RAI1: variants seen among roughly 807,000 people sequenced by gnomAD.
RAI1 encodes the protein retinoic acid induced 1.
Under a neutral mutation model 123.8 loss-of-function variants are expected in RAI1, and 9 were observed. The observed-to-expected ratio is 0.07, with a 90% CI of 0.04 to 0.13. RAI1 has a LOEUF of 0.13. Ranked by LOEUF, RAI1 falls within the 10% of genes least tolerant of loss-of-function variation. The pLI is 1.00. For synonymous variants in RAI1, 1,231 were observed against 1,127.3 expected (o/e 1.09, Z -1.84); for missense variants, 2,256 against 2,545.8 (o/e 0.89, Z 2.45).
intron 2 of RAI1, among the ~76,000 whole-genome samples, chr17:17,792,344 T>G (rs904817261): frequency 1.3e-5 from 2 of 152,048 alleles, no homozygotes; most frequent in Non-Finnish European, 2.9e-5. Context: ...CGCGTGTGTG[T>G]GTGAGCATAC....
intron 1 of RAI1, among the ~76,000 whole-genome samples, chr17:17,703,365 G>C (rs139951065): frequency 2.0e-5 from 3 of 152,244 alleles, no homozygotes. Context: ...GAGCGTGTGA[G>C]GGTTTCCATG....
chr17:17,715,218 G>C (rs925963561), intron 1 of RAI1, among the ~76,000 whole-genome samples: 1 of 152,264 alleles, frequency 6.6e-6, no homozygotes, highest in African/African-American at 2.4e-5. Flanking sequence ...GAAGCCAGGG[G>C]CTCTGCCTGT....
chr17:17,731,071 G>A (rs926274261), intron 2 of RAI1, among the ~76,000 whole-genome samples: 4 of 152,204 alleles, frequency 2.6e-5, no homozygotes, highest in African/African-American at 9.6e-5. Context: ...AGCCTGGTAT[G>A]CTTCTCATAC....
At chr17:17,720,104 C>T (rs8079802) in intron 1 of RAI1, among the ~76,000 whole-genome samples, 1 of 152,202 alleles carries the variant, frequency 6.6e-6, no homozygotes, top group African/African-American at 2.4e-5. Flanking sequence ...GCTGGCTCCA[C>T]TGCCTGCATT....
intron 2 of RAI1, chr17:17,778,364 T>G (rs1365819451): frequency 4.3e-6 from 1 of 234,938 alleles, no homozygotes; most frequent in East Asian, 1.1e-4. Flanking sequence ...TGGAAGTTGC[T>G]ACCTTTTATT....
chr17:17,724,430 G>T (rs1916008398), intron 2 of RAI1, among the ~76,000 whole-genome samples: 2 of 109,724 alleles, frequency 1.8e-5, no homozygotes, highest in Non-Finnish European at 3.6e-5. Flanking sequence ...TTTTTTGGCC[G>T]CTTTTGGCCA....
chr17:17,792,882 T>TC, intron 2 of RAI1, 51 bp from the exon 3 acceptor site: 35 of 432,868 alleles, frequency 8.1e-5, no homozygotes, highest in South Asian at 1.4e-4. Flanking sequence ...TCCCTGCCCA[T>TC]CCTCCCCTCC....
At chr17:17,752,830 G>A (rs1428164056) in intron 2 of RAI1, among the ~76,000 whole-genome samples, 2 of 152,204 alleles carry the variant, frequency 1.3e-5, no homozygotes, top group Non-Finnish European at 2.9e-5. Flanking sequence ...TGCCCTGCCT[G>A]GCACTCCTCT....
rs1915645599 is a variant in RAI1, at chr17:17,714,168, A to C, written c.-148-9860A>C. 6.6e-6 allele frequency among the ~76,000 whole-genome samples: 1 copy of C among 152,132 alleles called. No individual in the cohort carries two copies. The highest frequency in any genetic ancestry group is 2.4e-5 in the African/African-American group (1 of 41,432). ...GCAAGCTCTTCCTTATATGGAGGTG[A>C]AATCTGTCTTCCTGTTGCTTCCTCA... On this transcript the variant is annotated intron_variant, in intron 1 of 5. Coordinates refer to ENST00000353383, the MANE Select transcript of RAI1 (RefSeq NM_030665.4). The surrounding 1 kb of genome is among the most constrained non-coding windows in gnomAD (Gnocchi z 4.9).
intron 2 of RAI1, among the ~76,000 whole-genome samples, chr17:17,774,957 C>A (rs566547782): frequency 2.0e-5 from 3 of 152,178 alleles, no homozygotes; most frequent in African/African-American, 4.8e-5. Flanking sequence ...AGACAGGGAG[C>A]CTCCCTACCA....
chr17:17,754,679 C>G lies in RAI1; in HGVS notation c.-17+30520C>G, dbSNP rs780554975. ...TATTAAAGCCATAACAAATAATATCCGACAGCCTGTACCTACTAGTGTTCA... is the reference window on the plus strand; with the variant it reads ...TATTAAAGCCATAACAAATAATATCGGACAGCCTGTACCTACTAGTGTTCA... On this transcript the variant is annotated intron_variant, in intron 2 of 5. Transcript: ENST00000353383. Among the ~76,000 whole-genome samples the G allele has an allele frequency of 2.6e-5, 4 of 152,134 alleles. 1 individual carries two copies. In the South Asian group the frequency reaches 8.3e-4, roughly 32 times the overall value.
chr17:17,757,491 G>A (rs1275138846), intron 2 of RAI1, among the ~76,000 whole-genome samples: 2 of 152,196 alleles, frequency 1.3e-5, no homozygotes, highest in African/African-American at 4.8e-5. Context: ...CTGCCAGTGT[G>A]TGCCTTGCCT....
At chr17:17,780,838 G>C (rs1236968020) in intron 2 of RAI1, among the ~76,000 whole-genome samples, 1 of 152,190 alleles carries the variant, frequency 6.6e-6, no homozygotes, top group African/African-American at 2.4e-5. Context: ...ACTCTGTAAT[G>C]CTAGGCTCTG....
At chr17:17,715,984 G>C (rs915567300) in intron 1 of RAI1, among the ~76,000 whole-genome samples, 1 of 152,230 alleles carries the variant, frequency 6.6e-6, no homozygotes, top group Admixed American at 6.5e-5. Flanking sequence ...AAACTATGGC[G>C]GGGGGAATGG....
intron 2 of RAI1, chr17:17,777,560 C>G (rs1359030364): frequency 6.6e-6 from 1 of 152,096 alleles, no homozygotes; most frequent in Non-Finnish European, 1.5e-5. Context: ...AGTGGCTGTT[C>G]TTACGAGTCT....
At chr17:17,691,977 G>GT (rs1201679461) in intron 1 of RAI1, among the ~76,000 whole-genome samples, 3 of 152,182 alleles carry the variant, frequency 2.0e-5, no homozygotes, top group Non-Finnish European at 2.9e-5. Flanking sequence ...AAGTAATCTG[G>GT]TTTATGATAC....
At chr17:17,716,444 A>G (rs950510422) in intron 1 of RAI1, among the ~76,000 whole-genome samples, 1 of 152,196 alleles carries the variant, frequency 6.6e-6, no homozygotes, top group African/African-American at 2.4e-5. Flanking sequence ...GTGTATGTCT[A>G]TATGATTGCA....
chr17:17,745,980 G>A (rs2029897451), intron 2 of RAI1, among the ~76,000 whole-genome samples: 2 of 152,234 alleles, frequency 1.3e-5, no homozygotes, highest in Admixed American at 6.5e-5. Flanking sequence ...GACTGGGTGC[G>A]TTGTTCCCAC....
At chr17:17,742,494 A>G (rs557340850) in intron 2 of RAI1, among the ~76,000 whole-genome samples, 1 of 152,336 alleles carries the variant, frequency 6.6e-6, no homozygotes, top group East Asian at 1.9e-4. Flanking sequence ...AGAGTCTGAA[A>G]CTATCTATCT....
Sources: gnomAD v4.1 joint callset for allele counts (sites outside exome capture counted in the v4.1 genomes callset) on GRCh38, gnomAD v4.1.1 for gene constraint, Gnocchi (gnomAD v3.1) non-coding constraint, MANE v1.5 for transcripts, NCBI Gene and HGNC (gene_info 2026-07-23, HGNC 2026-07-21) for gene names.